Variants in SP6 observed in about 807,000 individuals in gnomAD.
SP6 encodes the protein transcription factor Sp6.
Under a neutral mutation model 23.4 loss-of-function variants are expected in SP6, and 10 were observed. That is an observed-to-expected ratio of 0.43 (90% CI 0.26 to 0.72). The LOEUF is 0.72. Ranked by LOEUF, SP6 falls within the 30% of genes least tolerant of loss-of-function variation. SP6 has a pLI of 0.23. For synonymous variants in SP6, 238 were observed against 238.7 expected (o/e 1.00, Z 0.03); for missense variants, 482 against 523.8 (o/e 0.92, Z 0.78).
upstream of SP6, among the ~76,000 whole-genome samples, chr17:47,860,274 C>T (rs2034026230): frequency 6.6e-6 from 1 of 152,186 alleles, no homozygotes; most frequent in Admixed American, 6.5e-5. Flanking sequence ...CTCCTATGTC[C>T]CCATGCTCTC....
chr17:47,868,591 C>A, the SP6 span, among the ~76,000 whole-genome samples: 1 of 152,192 alleles, frequency 6.6e-6, no homozygotes, highest in African/African-American at 2.4e-5. Flanking sequence ...CTCACCTACT[C>A]CCTAGTAGCC....
the SP6 span, among the ~76,000 whole-genome samples, chr17:47,872,700 G>C: frequency 1.3e-5 from 2 of 152,226 alleles, no homozygotes; most frequent in African/African-American, 4.8e-5. Context: ...GGACGCGGAG[G>C]GTGGGGTGCA....
chr17:47,860,140 C>T (rs2034025445), upstream of SP6, among the ~76,000 whole-genome samples: 1 of 152,148 alleles, frequency 6.6e-6, no homozygotes, highest in African/African-American at 2.4e-5. Flanking sequence ...CCTTCCCACT[C>T]CCCAGGAGGC....
upstream of SP6, among the ~76,000 whole-genome samples, chr17:47,851,454 T>A (rs55925304): frequency 6.6e-6 from 1 of 152,090 alleles, no homozygotes; most frequent in African/African-American, 2.4e-5. Context: ...TAGCTCGGTC[T>A]AGCAGAGGAC....
At position 47,847,840 on chromosome 17, in the gene SP6, G is replaced by T; in HGVS notation, c.590C>A (p.Pro197Gln). ...DGAKALEVAA[P>Q]ESQGLDSSLD... Reference sequence around the variant, plus strand: ...GCTGGAATCCAGCCCTTGAGACTCCGGGGCGGCTACTTCCAAGGCCTTAGC... The same window carrying T: ...GCTGGAATCCAGCCCTTGAGACTCCTGGGCGGCTACTTCCAAGGCCTTAGC... Residue 197 changes from proline (P) to glutamine (Q), a missense_variant, in exon 2 of 2, where the codon CCG becomes CAG. Physicochemically the swap from Pro to Gln is moderately conservative, Grantham distance 76 (BLOSUM62 -1). Around this residue, in one of 3 missense-constraint regions of SP6, gnomAD observed 330 missense variants for 332.3 expected, o/e 0.99. Coordinates refer to ENST00000536300, the MANE Select transcript of SP6 (RefSeq NM_001258248.2). 1 of 1,519,592 alleles carries T rather than the reference G, an allele frequency of 6.6e-7. No homozygotes were observed. The allele number at this position is 1,519,592 out of a possible 1,614,324, so 94.1% of individuals were successfully genotyped here.
At chr17:47,873,855 T>C in the SP6 span, among the ~76,000 whole-genome samples, 462 of 131,980 alleles carry the variant, frequency 3.5e-3, 2 homozygotes, top group Non-Finnish European at 5.5e-3. Context: ...TTCCTCCTCC[T>C]CCTCCTCTTC....
rs758194086 is a variant in SP6, at chr17:47,848,164, G to A, written c.266C>T (p.Pro89Leu). Residue 89 changes from proline (P) to leucine (L), a missense_variant, in exon 2 of 2, where the codon CCG (proline) becomes CTG (leucine). By Grantham distance (98) the Pro-to-Leu change is moderately conservative (BLOSUM62 -3). Around this residue, in one of 3 missense-constraint regions of SP6, gnomAD observed 330 missense variants for 332.3 expected, o/e 0.99. Transcript: ENST00000536300. The surrounding 1 kb of genome is among the most constrained non-coding windows in gnomAD (Gnocchi z 5.3). ...EDLESDSPLA[P>L]GPFSKLLQPD... The stretch of plus-strand genomic sequence containing the variant: ...CTGCAGGAGCTTGGAAAAGGGGCCC[G>A]GGGCCAAGGGACTGTCGCTTTCCAG... 4 of 1,613,312 alleles carry A rather than the reference G, an allele frequency of 2.5e-6. No individual in the cohort carries two copies. The South Asian group carries it at 4.4e-5, about 18-fold the overall frequency.
chr17:47,856,214 C>A (rs147214297), upstream of SP6, among the ~76,000 whole-genome samples: 1 of 152,194 alleles, frequency 6.6e-6, no homozygotes, highest in African/African-American at 2.4e-5. Context: ...CCTCTCTGAG[C>A]CACAATTTCT....
chr17:47,852,216 C>G (rs1366520105), upstream of SP6, among the ~76,000 whole-genome samples: 3 of 152,264 alleles, frequency 2.0e-5, no homozygotes, highest in South Asian at 2.1e-4. Context: ...AATTCACATG[C>G]CCAGTGCAAT....
chr17:47,873,398 T>C, the SP6 span, among the ~76,000 whole-genome samples: 1 of 152,214 alleles, frequency 6.6e-6, no homozygotes, highest in African/African-American at 2.4e-5. Flanking sequence ...TACTTTCCCC[T>C]GCCCTAACAG....
At chr17:47,855,319 T>G (rs548955166), upstream of SP6, among the ~76,000 whole-genome samples, 28 of 152,292 alleles carry the variant, frequency 1.8e-4, no homozygotes, top group African/African-American at 6.7e-4. Context: ...GTTTCTCCCT[T>G]ACTATCCTTG....
chr17:47,856,920 C>A (rs2034002209), upstream of SP6, among the ~76,000 whole-genome samples: 1 of 151,932 alleles, frequency 6.6e-6, no homozygotes, highest in South Asian at 2.1e-4. Flanking sequence ...TCCCCTATAC[C>A]CTCAGCAACC....
chr17:47,868,525 G>C, the SP6 span, among the ~76,000 whole-genome samples: 3 of 152,180 alleles, frequency 2.0e-5, no homozygotes, highest in Non-Finnish European at 4.4e-5. Flanking sequence ...GCCTACATCA[G>C]AGCCAAAGTG....
At chr17:47,872,464 G>C in the SP6 span, among the ~76,000 whole-genome samples, 1 of 152,236 alleles carries the variant, frequency 6.6e-6, no homozygotes, top group Non-Finnish European at 1.5e-5. Flanking sequence ...AGGCCGGGCG[G>C]GGGTGAGTAA....
chr17:47,847,954 TG>T lies in SP6; in HGVS notation c.475del (p.His159ThrfsTer25). 6.4e-7 allele frequency: 1 copy of T among 1,572,098 alleles called. No individual in the cohort carries two copies. The highest frequency in any genetic ancestry group is 8.6e-7 in the Non-Finnish European group (1 of 1,158,804). The part of the protein sequence containing the change: ...QAGLGGYVGD[H>X]QLCAPPPHPH... The stretch of plus-strand genomic sequence containing the variant: ...GTGGGGTGGCGGGGCACAAAGCTGG[TG>T]GTCTCCGACGTAGCCCCCCAAGCCC... On this transcript the variant is annotated frameshift_variant, in exon 2 of 2. Transcript: ENST00000536300. LOFTEE classifies it high-confidence loss of function.
At chr17:47,876,247 T>A in the SP6 span, among the ~76,000 whole-genome samples, 20 of 152,218 alleles carry the variant, frequency 1.3e-4, 1 homozygote, top group Admixed American at 7.9e-4. Flanking sequence ...AATCAATGGA[T>A]GTTTATTGAA....
the SP6 span, among the ~76,000 whole-genome samples, chr17:47,875,579 G>A: frequency 1.3e-5 from 2 of 152,226 alleles, no homozygotes; most frequent in South Asian, 4.1e-4. Flanking sequence ...TAATGCAAAT[G>A]CAATCCAAAC....
At chr17:47,869,351 T>G in the SP6 span, among the ~76,000 whole-genome samples, 1 of 152,232 alleles carries the variant, frequency 6.6e-6, no homozygotes, top group Non-Finnish European at 1.5e-5. Flanking sequence ...ACCAGCGATC[T>G]TAGCTTGGAT....
chr17:47,863,638 C>T, the SP6 span, among the ~76,000 whole-genome samples: 39 of 147,530 alleles, frequency 2.6e-4, 1 homozygote, highest in African/African-American at 2.5e-4. Context: ...GCGCCATCTC[C>T]GCTCACTGCA....
Sources: gnomAD v4.1 joint callset for allele counts (sites outside exome capture counted in the v4.1 genomes callset) on GRCh38, gnomAD v4.1.1 for gene constraint, gnomAD v4.1.1 regional missense constraint, Gnocchi (gnomAD v3.1) non-coding constraint, MANE v1.5 for transcripts, NCBI Gene and HGNC (gene_info 2026-07-23, HGNC 2026-07-21) for gene names.